KRT8: variants seen among roughly 807,000 people sequenced by gnomAD.
KRT8 encodes keratin, type II cytoskeletal 8.
In KRT8, 24 loss-of-function variants were observed where a neutral mutation model predicts 43.0. The ratio of observed to expected loss-of-function variants is 0.56; its 90% confidence interval spans 0.40 to 0.78. The LOEUF (loss-of-function observed/expected upper bound fraction) is 0.78, where lower values mean the gene tolerates loss of function less well. Among genes scored for constraint, KRT8 ranks in the 30% least tolerant of loss-of-function variants. KRT8 has a pLI of 0.00. For missense variants in KRT8, 492 were observed against 638.4 expected (o/e 0.77, Z 2.47); for synonymous variants, 214 against 261.2 (o/e 0.82, Z 1.74).
chr12:52,897,581 G>A (rs775588446), exon 8 of KRT8: 22 of 1,598,126 alleles, frequency 1.4e-5, no homozygotes, highest in Middle Eastern at 2.1e-4. Flanking sequence ...AGCTGAGGCC[G>A]GGGCTTGTGA....
At chr12:52,932,038 C>T (rs2120699663) in intron 2 of KRT8, among the ~76,000 whole-genome samples, 1 of 151,892 alleles carries the variant, frequency 6.6e-6, no homozygotes, top group African/African-American at 2.4e-5. Flanking sequence ...CTCAAGTAAT[C>T]TGCCCGCCTC....
Position 52,915,331 on chromosome 12 carries a change from G to T in KRT8, c.-46-10304C>A, listed in dbSNP as rs150327419. Among the ~76,000 whole-genome samples the T allele has an allele frequency of 7.3e-4, 108 of 148,060 alleles. 1 individual carries two copies. The highest frequency in any genetic ancestry group is 1.0e-4 in the Non-Finnish European group (7 of 67,244). ...GGAGCCTGCAGTGAGCCGAGATCTC[G>T]CCACTGCACTCCAGCTTGGGCAACA... On this transcript the variant is annotated intron_variant, in intron 2 of 6. Transcript: ENST00000546826.
upstream of KRT8, among the ~76,000 whole-genome samples, chr12:52,905,610 T>C (rs1345886200): frequency 6.6e-6 from 1 of 152,176 alleles, no homozygotes; most frequent in African/African-American, 2.4e-5. Flanking sequence ...TGCCTCATCT[T>C]TCCAGGTTAC....
intron 2 of KRT8, among the ~76,000 whole-genome samples, chr12:52,918,203 A>AAGAAGAAGAAGAAGAAGG (rs1565725692): frequency 5.2e-5 from 6 of 116,038 alleles, no homozygotes; most frequent in Non-Finnish European, 8.7e-5. Context: ...GAAGAAGAAG[A>AAGAAGAAGAAGAAGAAGG]ACAAGAAGAA....
chr12:52,941,734 C>T lies in KRT8; in HGVS notation c.-47+7722G>A, dbSNP rs375168706. ...AACTCCCAACCTCAGGTGATCCGCC[C>T]GCCTCAGCCTCCCAAAATACTGGGA... On this transcript the variant is annotated intron_variant, in intron 2 of 6. Coordinates refer to the KRT8 transcript ENST00000546826. Among the ~76,000 whole-genome samples, 12 of 152,052 alleles carry T rather than the reference C, an allele frequency of 7.9e-5. No homozygotes were observed. The South Asian group carries it at 2.1e-3, about 26-fold the overall frequency.
rs570461054 is a variant in KRT8, at chr12:52,940,604, G to A, written c.-47+8852C>T. Among the ~76,000 whole-genome samples the A allele has an allele frequency of 1.1e-3, 163 of 150,024 alleles. 1 individual carries two copies. Among genetic ancestry groups the A allele is most frequent in the African/African-American group, 4.0e-3 (161 of 40,650 alleles). The stretch of plus-strand genomic sequence containing the variant: ...AGGTGTGGGGGTGAGCAATGAACTT[G>A]ACTATAAAAGAACACAGTGGATTTT... On this transcript the variant is annotated intron_variant, in intron 2 of 6. Coordinates refer to the KRT8 transcript ENST00000546826.
chr12:52,923,873 GC>G (rs1941937685), intron 2 of KRT8, among the ~76,000 whole-genome samples: 1 of 151,108 alleles, frequency 6.6e-6, no homozygotes, highest in African/African-American at 2.4e-5. Context: ...TCGAGACGGA[GC>G]CTCGCTCTCG....
chr12:52,900,563 C>A, intron 4 of KRT8, 25 bp downstream of exon 4: 1 of 1,496,536 alleles, frequency 6.7e-7, no homozygotes, highest in Non-Finnish European at 9.3e-7. Context: ...GGGGGACCCT[C>A]ACTCTCCTGC....
chr12:52,910,946 A>G (rs897804631), upstream of KRT8, among the ~76,000 whole-genome samples: 21 of 152,158 alleles, frequency 1.4e-4, no homozygotes, highest in African/African-American at 5.1e-4. Flanking sequence ...TTTGCTTATC[A>G]GGCAGTAGTC....
Position 52,904,643 on chromosome 12 carries a change from A to C in KRT8, c.324+15T>G. On this transcript the variant is annotated intron_variant, in intron 1 of 7. Coordinates refer to ENST00000692008, the Ensembl canonical transcript of KRT8. ...GGGCTGCGGGCACAGTCAGCCACGC[A>C]GGGGGGACCCTCACCTTGTCTATGA... 6.2e-7 allele frequency: 1 copy of C among 1,611,152 alleles called. No homozygotes were observed. Among genetic ancestry groups the C allele is most frequent in the Non-Finnish European group, 8.5e-7 (1 of 1,178,980 alleles).
chr12:52,900,939 T>G, intron 3 of KRT8: 1 of 637,908 alleles, frequency 1.6e-6, no homozygotes, highest in Non-Finnish European at 2.8e-6. Flanking sequence ...GTTCTACTGC[T>G]CTGTTTTCTG....
At chr12:52,924,016 C>T (rs1359311173) in intron 2 of KRT8, among the ~76,000 whole-genome samples, 3 of 151,150 alleles carry the variant, frequency 2.0e-5, no homozygotes, top group East Asian at 2.0e-4. Context: ...GGCTAATTTT[C>T]GTATTTTTTC....
At chr12:52,916,277 C>T (rs1941738698) in intron 2 of KRT8, among the ~76,000 whole-genome samples, 1 of 152,086 alleles carries the variant, frequency 6.6e-6, no homozygotes, top group South Asian at 2.1e-4. Context: ...AGAAAGGGGG[C>T]TACTGCAGAA....
chr12:52,938,161 TA>T (rs1565732957), intron 2 of KRT8, among the ~76,000 whole-genome samples: 500 of 37,836 alleles, frequency 0.013, 10 homozygotes, highest in Non-Finnish European at 0.018. Context: ...TATATATATA[TA>T]TATATATATT....
At chr12:52,947,104 GC>G (rs1942356439) in intron 2 of KRT8, 1 of 152,424 alleles carries the variant, frequency 6.6e-6, no homozygotes, top group African/African-American at 2.4e-5. Context: ...GTCATACCAG[GC>G]CCTGCCAGAA....
At chr12:52,944,105 C>T (rs2120740988) in intron 2 of KRT8, among the ~76,000 whole-genome samples, 1 of 152,220 alleles carries the variant, frequency 6.6e-6, no homozygotes, top group Middle Eastern at 3.4e-3. Flanking sequence ...TCTCAGCTGC[C>T]AAAGCTCTTC....
intron 4 of KRT8, 90 bp from the exon 5 acceptor site, chr12:52,900,155 G>T: frequency 7.3e-7 from 1 of 1,370,826 alleles, no homozygotes. Context: ...GTATAAGACA[G>T]GGGCAGCAGA....
At chr12:52,911,213 G>A (rs1036374798), upstream of KRT8, among the ~76,000 whole-genome samples, 21 of 152,220 alleles carry the variant, frequency 1.4e-4, no homozygotes, top group African/African-American at 4.6e-4. Flanking sequence ...TTAGCCGGGC[G>A]TGGTAGTGGG....
intron 2 of KRT8, among the ~76,000 whole-genome samples, chr12:52,936,762 G>A (rs377050003): frequency 1.2e-4 from 19 of 152,208 alleles, no homozygotes; most frequent in East Asian, 1.9e-4. Context: ...TGATCCGCCC[G>A]TCTTGGCCTC....
Sources: allele counts gnomAD v4.1 joint callset (sites outside exome capture counted in the v4.1 genomes callset), GRCh38; gene constraint gnomAD v4.1.1; transcripts MANE v1.5; gene names NCBI Gene and HGNC (gene_info 2026-07-23, HGNC 2026-07-21).